Variants in OXR1 observed in about 807,000 individuals in gnomAD.
The protein encoded by OXR1 is oxidation resistance 1.
In OXR1, 41 loss-of-function variants were observed where a neutral mutation model predicts 104.6. That is an observed-to-expected ratio of 0.39 (90% confidence interval 0.31 to 0.51). OXR1 has a LOEUF of 0.51. Among genes scored for constraint, OXR1 ranks in the 20% least tolerant of loss-of-function variants. OXR1 has a pLI of 0.77. For synonymous variants in OXR1, 348 were observed against 348.4 expected, an observed-to-expected ratio of 1.00 and a Z score of 0.01; for missense variants, 955 against 1,031.9, an observed-to-expected ratio of 0.93 and a Z score of 1.02.
At chr8:106,481,487 C>T (rs764582455) in intron 2 of OXR1, among the ~76,000 whole-genome samples, 2 of 151,898 alleles carry the variant, frequency 1.3e-5, no homozygotes, top group East Asian at 1.9e-4. Flanking sequence ...TTTAATAGCT[C>T]CAGTAAGAAC....
intron 2 of OXR1, among the ~76,000 whole-genome samples, chr8:106,476,329 C>A (rs1359102403): frequency 6.6e-6 from 1 of 151,904 alleles, no homozygotes; most frequent in African/African-American, 2.4e-5. Flanking sequence ...TTCTTGAATT[C>A]AATAACTCAA....
intron 2 of OXR1, among the ~76,000 whole-genome samples, chr8:106,419,402 C>A (rs1283731674): frequency 6.6e-6 from 1 of 152,140 alleles, no homozygotes; most frequent in African/African-American, 2.4e-5. Flanking sequence ...AGTCTGTCAG[C>A]AGATCTGCAA....
chr8:106,546,994 A>G, intron 3 of OXR1, among the ~76,000 whole-genome samples: 1 of 152,112 alleles, frequency 6.6e-6, no homozygotes. Context: ...GGTTTTAAGC[A>G]ATTCTCCTGC....
chr8:106,681,268 T>TTA (rs1300950655), intron 4 of OXR1, among the ~76,000 whole-genome samples: 1 of 152,214 alleles, frequency 6.6e-6, no homozygotes, highest in Non-Finnish European at 1.5e-5. Context: ...CAGAGACCTT[T>TTA]TATATATATT....
intron 11 of OXR1, among the ~76,000 whole-genome samples, chr8:106,716,093 A>G (rs1334014139): frequency 6.6e-6 from 1 of 152,188 alleles, no homozygotes; most frequent in African/African-American, 2.4e-5. Context: ...ATTTTTAAAT[A>G]TATTAGGAAT....
At chr8:106,526,370 T>C (rs544173077) in intron 3 of OXR1, among the ~76,000 whole-genome samples, 2 of 152,314 alleles carry the variant, frequency 1.3e-5, no homozygotes, top group East Asian at 3.9e-4. Flanking sequence ...GAGAAAATGA[T>C]TGAGGGGAAA....
intron 2 of OXR1, among the ~76,000 whole-genome samples, chr8:106,431,393 TCA>T (rs1819353223): frequency 6.6e-6 from 1 of 152,194 alleles, no homozygotes; most frequent in South Asian, 2.1e-4. Flanking sequence ...GTGCCTGTGC[TCA>T]GTTTCCTCCC....
chr8:106,399,847 C>G (rs2130470845), intron 2 of OXR1, among the ~76,000 whole-genome samples: 1 of 152,252 alleles, frequency 6.6e-6, no homozygotes, highest in South Asian at 2.1e-4. Flanking sequence ...AGATTGCAAG[C>G]TTCTTACCCC....
At chr8:106,372,982 A>G (rs373614360) in intron 2 of OXR1, among the ~76,000 whole-genome samples, 9 of 152,242 alleles carry the variant, frequency 5.9e-5, no homozygotes, top group African/African-American at 2.2e-4. Flanking sequence ...AACCAACCTC[A>G]GATTGCAAAT....
intron 3 of OXR1, among the ~76,000 whole-genome samples, chr8:106,662,621 C>A (rs949614755): frequency 1.3e-5 from 2 of 152,106 alleles, no homozygotes; most frequent in Non-Finnish European, 2.9e-5. Flanking sequence ...TTAATAGTAG[C>A]ATTTTCATTT....
intron 1 of OXR1, among the ~76,000 whole-genome samples, chr8:106,297,929 C>G (rs1050328259): frequency 3.3e-5 from 5 of 152,174 alleles, no homozygotes; most frequent in African/African-American, 1.2e-4. Context: ...GAGAAGAGAT[C>G]TTTGCCAGCA....
At chr8:106,725,303 T>C (rs1833225995) in intron 11 of OXR1, among the ~76,000 whole-genome samples, 1 of 151,800 alleles carries the variant, frequency 6.6e-6, no homozygotes, top group South Asian at 2.1e-4. Flanking sequence ...AGAAAGGTAG[T>C]GTGTGTGTGA....
intron 2 of OXR1, among the ~76,000 whole-genome samples, chr8:106,499,454 C>G (rs1811634078): frequency 6.6e-6 from 1 of 152,154 alleles, no homozygotes; most frequent in African/African-American, 2.4e-5. Context: ...CTTGGTTTCT[C>G]TTTCTTAGTC....
chr8:106,586,378 T>C (rs567425047), intron 3 of OXR1, among the ~76,000 whole-genome samples: 1 of 152,280 alleles, frequency 6.6e-6, no homozygotes, highest in Non-Finnish European at 1.5e-5. Flanking sequence ...CCCCCAAGTT[T>C]TGACCTGAGA....
At chr8:106,486,435 GAAGT>G (rs549404061) in intron 2 of OXR1, among the ~76,000 whole-genome samples, 1,578 of 152,184 alleles carry the variant, frequency 0.01, 24 homozygotes, top group Non-Finnish European at 0.013. Context: ...ACTATGTCAA[GAAGT>G]AAGACATATT....
intron 3 of OXR1, among the ~76,000 whole-genome samples, chr8:106,637,752 T>C (rs113527980): frequency 8.1e-5 from 12 of 148,888 alleles, no homozygotes; most frequent in African/African-American, 3.0e-4. Flanking sequence ...AGACACTACA[T>C]AGTTTCGACT....
chr8:106,513,287 G>A (rs1812653948), intron 2 of OXR1, among the ~76,000 whole-genome samples: 1 of 151,988 alleles, frequency 6.6e-6, no homozygotes, highest in Non-Finnish European at 1.5e-5. Context: ...TTTTCACAGA[G>A]TAGGAAAGTC....
At chr8:106,275,615 C>T (rs1219630906) in intron 1 of OXR1, among the ~76,000 whole-genome samples, 2 of 152,180 alleles carry the variant, frequency 1.3e-5, no homozygotes, top group African/African-American at 4.8e-5. Context: ...TTTGGAGAAA[C>T]CATATTTATT....
intron 2 of OXR1, among the ~76,000 whole-genome samples, chr8:106,387,812 T>C (rs1049224632): frequency 1.3e-5 from 2 of 152,212 alleles, no homozygotes; most frequent in African/African-American, 4.8e-5. Flanking sequence ...GCTCCAACTC[T>C]TGAGTAGTAT....
Sources: allele counts gnomAD v4.1 joint callset (sites outside exome capture counted in the v4.1 genomes callset), GRCh38; gene constraint gnomAD v4.1.1; transcripts MANE v1.5; gene names NCBI Gene and HGNC (gene_info 2026-07-23, HGNC 2026-07-21).